TM9SF2: variants seen among roughly 807,000 people sequenced by gnomAD.
TM9SF2 encodes 76 kDa membrane protein.
Under a neutral mutation model 84.9 loss-of-function variants are expected in TM9SF2, and 13 were observed. The ratio of observed to expected loss-of-function variants is 0.15; its 90% CI spans 0.10 to 0.24. TM9SF2 has a LOEUF of 0.24. Ranked by LOEUF, TM9SF2 falls within the 10% of genes least tolerant of loss-of-function variation. TM9SF2 has a pLI of 1.00. For missense variants in TM9SF2, 562 were observed against 818.5 expected, an observed-to-expected ratio of 0.69 and a Z score of 3.82; for synonymous variants, 273 against 285.8, an observed-to-expected ratio of 0.96 and a Z score of 0.45.
chr13:99,529,705 T>C, intron 4 of TM9SF2, 111 bp downstream of exon 4: 2 of 1,231,704 alleles, frequency 1.6e-6, no homozygotes, highest in Non-Finnish European at 2.2e-6. Context: ...TTAATTGATT[T>C]CCTTTTTTTT....
intron 4 of TM9SF2, among the ~76,000 whole-genome samples, chr13:99,530,278 G>A (rs967528341): frequency 3.3e-5 from 5 of 152,174 alleles, no homozygotes; most frequent in African/African-American, 1.2e-4. Context: ...CAAAAAATTA[G>A]CCAGGTGTGG....
intron 11 of TM9SF2, 35 bp downstream of exon 11, chr13:99,547,139 G>A: frequency 1.2e-6 from 2 of 1,609,368 alleles, no homozygotes; most frequent in Non-Finnish European, 1.7e-6. Flanking sequence ...CGTCTGATCA[G>A]GAAGGGACTC....
Position 99,552,696 on chromosome 13 carries a change from A to C in TM9SF2, c.1488+370A>C, listed in dbSNP as rs537695816. On this transcript the variant is annotated intron_variant, in intron 13 of 16. Coordinates refer to ENST00000376387, the MANE Select transcript of TM9SF2 (RefSeq NM_004800.3). The stretch of plus-strand genomic sequence containing the variant: ...TCGGCTCACTGCAACCTCCACCTTC[A>C]GGGTTAAAGCGATTTTCCTGCCTCA... 1.6e-3 allele frequency among the ~76,000 whole-genome samples: 242 copies of C among 152,268 alleles called. 1 individual carries two copies. The highest frequency in any genetic ancestry group is 5.7e-3 in the African/African-American group (236 of 41,548).
intron 7 of TM9SF2, among the ~76,000 whole-genome samples, chr13:99,540,341 G>T (rs998347250): frequency 1.3e-5 from 2 of 149,856 alleles, no homozygotes; most frequent in Admixed American, 6.6e-5. Context: ...GGTCTGGTTA[G>T]CTGCCCCCGG....
intron 1 of TM9SF2, among the ~76,000 whole-genome samples, chr13:99,512,304 C>T (rs1183064441): frequency 6.6e-6 from 1 of 152,172 alleles, no homozygotes; most frequent in African/African-American, 2.4e-5. Flanking sequence ...TGATATCATT[C>T]AGTTCCCACA....
intron 1 of TM9SF2, among the ~76,000 whole-genome samples, chr13:99,502,882 A>T (rs1021670575): frequency 6.6e-5 from 10 of 152,222 alleles, no homozygotes; most frequent in African/African-American, 2.4e-4. Flanking sequence ...AGGTTATTTT[A>T]GGGCATTAGA....
chr13:99,550,668 C>G (rs2046302039), intron 12 of TM9SF2, among the ~76,000 whole-genome samples: 1 of 152,158 alleles, frequency 6.6e-6, no homozygotes, highest in African/African-American at 2.4e-5. Flanking sequence ...CATTTAATAA[C>G]AGGAAATCTA....
At chr13:99,560,639 A>G (rs1347038336) in intron 16 of TM9SF2, among the ~76,000 whole-genome samples, 1 of 152,170 alleles carries the variant, frequency 6.6e-6, no homozygotes, top group Non-Finnish European at 1.5e-5. Flanking sequence ...GATACAGAAA[A>G]TGATAGCTTA....
intron 15 of TM9SF2, among the ~76,000 whole-genome samples, chr13:99,557,565 T>C (rs574148416): frequency 3.9e-5 from 6 of 152,260 alleles, no homozygotes; most frequent in African/African-American, 1.2e-4. Flanking sequence ...GCTTATGCTT[T>C]TGGTGTCATA....
chr13:99,548,409 T>C (rs148591216), intron 11 of TM9SF2, among the ~76,000 whole-genome samples: 135 of 152,376 alleles, frequency 8.9e-4, no homozygotes, highest in African/African-American at 3.2e-3. Flanking sequence ...TATTTTCTTT[T>C]AGGGCAAGTG....
At chr13:99,536,887 A>C (rs924704836) in intron 5 of TM9SF2, 150 bp downstream of exon 5, 1 of 809,512 alleles carries the variant, frequency 1.2e-6, no homozygotes, top group Non-Finnish European at 1.9e-6. Flanking sequence ...AACTTACAGC[A>C]GATTAATAAT....
At chr13:99,545,561 GCTTT>G (rs752571403) in intron 10 of TM9SF2, among the ~76,000 whole-genome samples, 24 of 151,286 alleles carry the variant, frequency 1.6e-4, no homozygotes, top group Middle Eastern at 3.4e-3. Context: ...ATAAACTTCT[GCTTT>G]CTTTCTTTCT....
intron 4 of TM9SF2, among the ~76,000 whole-genome samples, chr13:99,531,049 C>T (rs1041637833): frequency 6.6e-6 from 1 of 151,854 alleles, no homozygotes; most frequent in East Asian, 1.9e-4. Flanking sequence ...TTAGTAGACA[C>T]GGGGTTTTAC....
At chr13:99,539,093 C>G (rs968278543) in intron 6 of TM9SF2, among the ~76,000 whole-genome samples, 1 of 150,462 alleles carries the variant, frequency 6.6e-6, no homozygotes, top group African/African-American at 2.4e-5. Flanking sequence ...ACCTGTAGTC[C>G]CATCTACTTG....
chr13:99,549,035 C>A, intron 11 of TM9SF2, 130 bp from the exon 12 acceptor site: 1 of 662,832 alleles, frequency 1.5e-6, no homozygotes. Context: ...ATTATATTTG[C>A]TAGTACCATT....
chr13:99,505,087 C>T (rs1014264551), intron 1 of TM9SF2, among the ~76,000 whole-genome samples: 2 of 150,406 alleles, frequency 1.3e-5, no homozygotes, highest in Non-Finnish European at 3.0e-5. Flanking sequence ...TAAATAATAC[C>T]TTGTGTTGCC....
At chr13:99,515,740 T>G (rs1030713325) in intron 1 of TM9SF2, among the ~76,000 whole-genome samples, 1 of 151,660 alleles carries the variant, frequency 6.6e-6, no homozygotes, top group Admixed American at 6.6e-5. Flanking sequence ...ACTGGTTTTT[T>G]TTTTTTTTTT....
chr13:99,529,287 A>G (rs938912963), intron 3 of TM9SF2, among the ~76,000 whole-genome samples, 180 bp from the exon 4 acceptor site: 4 of 152,226 alleles, frequency 2.6e-5, no homozygotes, highest in African/African-American at 9.6e-5. Context: ...CTTTAGAGAA[A>G]CACAGTAGGA....
intron 15 of TM9SF2, among the ~76,000 whole-genome samples, chr13:99,555,960 C>T (rs1350501771): frequency 2.6e-5 from 4 of 151,170 alleles, no homozygotes; most frequent in East Asian, 1.9e-4. Context: ...TTATATCATG[C>T]CTGAGATAAA....
Sources: gnomAD v4.1 joint callset for allele counts (sites outside exome capture counted in the v4.1 genomes callset) on GRCh38, gnomAD v4.1.1 for gene constraint, MANE v1.5 for transcripts, NCBI Gene and HGNC (gene_info 2026-07-23, HGNC 2026-07-21) for gene names.